SLC25A21: variants seen among roughly 807,000 people sequenced by gnomAD.
SLC25A21 encodes the protein solute carrier family 25 member 21, also known as mitochondrial 2-oxodicarboxylate carrier.
Under a neutral mutation model 43.8 loss-of-function variants are expected in SLC25A21, and 47 were observed. The ratio of observed to expected loss-of-function variants is 1.07; its 90% confidence interval spans 0.85 to 1.37. The LOEUF (loss-of-function observed/expected upper bound fraction) is 1.37, where lower values mean the gene tolerates loss of function less well. Ranked by LOEUF, SLC25A21 falls within the 40% of genes most tolerant of loss-of-function variation. The pLI is 0.00. For missense variants in SLC25A21, 352 were observed against 350.2 expected, an observed-to-expected ratio of 1.00 and a Z score of -0.04; for synonymous variants, 131 against 121.3, an observed-to-expected ratio of 1.08 and a Z score of -0.52.
chr14:36,963,876 G>A (rs1028753917), intron 1 of SLC25A21, among the ~76,000 whole-genome samples: 7 of 152,126 alleles, frequency 4.6e-5, no homozygotes, highest in Non-Finnish European at 8.8e-5. Context: ...GTAAAGAATG[G>A]TTCTTCCTGT....
intron 2 of SLC25A21, among the ~76,000 whole-genome samples, chr14:36,844,138 C>T (rs866018827): frequency 4.6e-5 from 7 of 152,174 alleles, no homozygotes; most frequent in Non-Finnish European, 7.3e-5. Context: ...GACTTTAACA[C>T]GCTACAGTAC....
intron 7 of SLC25A21, among the ~76,000 whole-genome samples, chr14:36,690,462 A>C (rs1393794826): frequency 6.6e-6 from 1 of 152,196 alleles, no homozygotes; most frequent in Admixed American, 6.5e-5. Context: ...GCCTGGATTT[A>C]AGCCCAGCTC....
chr14:37,071,218 T>C lies in SLC25A21; in HGVS notation c.70+101063A>G, dbSNP rs182313466. ...TAGAATCAAAGCAAAGATGTATACA[T>C]GGTATTGATGAAAATTTTTAAAAAT... On this transcript the variant is annotated intron_variant, in intron 1 of 9. Transcript: ENST00000331299. Among the ~76,000 whole-genome samples, 249 of 152,342 alleles carry C rather than the reference T, an allele frequency of 1.6e-3. 7 individuals are homozygous for C. Among genetic ancestry groups the C allele is most frequent in the Admixed American group, 1.2e-3 (18 of 15,312 alleles).
intron 2 of SLC25A21, among the ~76,000 whole-genome samples, chr14:36,840,052 T>C (rs745317873): frequency 1.3e-5 from 2 of 152,164 alleles, no homozygotes; most frequent in East Asian, 1.9e-4. Context: ...GGGAAAGAGA[T>C]GACTCAAGCC....
In SLC25A21 at chr14:36,789,885, T is replaced by TA. The variant is rs1349591927; in HGVS notation, c.203+24032dup. Among the ~76,000 whole-genome samples the TA allele has an allele frequency of 3.3e-5, 4 of 120,906 alleles. 1 individual carries two copies. The highest frequency in any genetic ancestry group is 1.3e-4 in the African/African-American group (4 of 31,154). 79.3% of individuals were successfully genotyped at this position (120,906 alleles called of 152,430 possible). On this transcript the variant is annotated intron_variant, in intron 3 of 9. Coordinates refer to ENST00000331299, the MANE Select transcript of SLC25A21 (RefSeq NM_030631.4). ...TATAAAAATATATTATATATTTATA[T>TA]AAAATATATATTATATATATTTATA...
At chr14:37,110,956 A>G (rs1221437628) in intron 1 of SLC25A21, among the ~76,000 whole-genome samples, 1 of 119,680 alleles carries the variant, frequency 8.4e-6, no homozygotes, top group Admixed American at 8.7e-5. Flanking sequence ...AACAGCAACA[A>G]AAAAAAAATC....
chr14:37,112,321 T>C (rs1963034399), intron 1 of SLC25A21, among the ~76,000 whole-genome samples: 4 of 152,020 alleles, frequency 2.6e-5, no homozygotes, highest in Admixed American at 1.3e-4. Context: ...ATTCTCATTG[T>C]CAATACTCTA....
In SLC25A21 at chr14:36,761,077, TATTCCTCTTCCC is replaced by T. The variant is rs1466483845; in HGVS notation, c.204-26516_204-26505del. On this transcript the variant is annotated intron_variant, in intron 3 of 9. Transcript: ENST00000331299. The stretch of plus-strand genomic sequence containing the variant: ...ATCTCTTTAATTACAGCCACAGAGA[TATTCCTCTTCCC>T]TTTCATCTGGGGCCTCTAAGGAGCT... 2.0e-5 allele frequency among the ~76,000 whole-genome samples: 3 copies of T among 152,344 alleles called. No homozygotes were observed. In the South Asian group the frequency reaches 6.2e-4, roughly 32 times the overall value.
chr14:36,770,555 G>A (rs887305517), intron 3 of SLC25A21, among the ~76,000 whole-genome samples: 23 of 152,026 alleles, frequency 1.5e-4, no homozygotes, highest in Middle Eastern at 3.2e-3. Flanking sequence ...AATAAGAATC[G>A]TCCTGCTTGG....
intron 3 of SLC25A21, among the ~76,000 whole-genome samples, chr14:36,775,797 CTCA>C (rs1886798941): frequency 6.6e-6 from 1 of 152,186 alleles, no homozygotes; most frequent in African/African-American, 2.4e-5. Flanking sequence ...CCACTTTGCA[CTCA>C]TCAATACTAG....
intron 3 of SLC25A21, among the ~76,000 whole-genome samples, chr14:36,806,605 C>T (rs1276598696): frequency 6.6e-6 from 1 of 152,094 alleles, no homozygotes; most frequent in Non-Finnish European, 1.5e-5. Flanking sequence ...AGTAGTATGT[C>T]CATGCCTGAA....
intron 6 of SLC25A21, among the ~76,000 whole-genome samples, chr14:36,717,677 G>T: frequency 6.6e-6 from 1 of 152,174 alleles, no homozygotes; most frequent in Non-Finnish European, 1.5e-5. Context: ...GCTTCTTCAT[G>T]GTCTCATAAA....
intron 1 of SLC25A21, among the ~76,000 whole-genome samples, chr14:36,911,404 C>T (rs533598220): frequency 1.7e-4 from 26 of 152,296 alleles, no homozygotes; most frequent in Admixed American, 1.3e-3. Context: ...CATCCTGGGG[C>T]AGACTGTTAT....
intron 1 of SLC25A21, among the ~76,000 whole-genome samples, chr14:36,915,460 C>A (rs1318496770): frequency 6.6e-6 from 1 of 152,096 alleles, no homozygotes; most frequent in Non-Finnish European, 1.5e-5. Flanking sequence ...GATAATCACA[C>A]AAAATCTATC....
chr14:37,062,928 G>A (rs773923553), intron 1 of SLC25A21, among the ~76,000 whole-genome samples: 3 of 152,170 alleles, frequency 2.0e-5, no homozygotes, highest in East Asian at 1.9e-4. Context: ...ACCCAAGACC[G>A]GGTAATTTAT....
rs557331518 is a variant in SLC25A21 at position 37,051,959 on chromosome 14, A to G, written c.70+120322T>C. ...GGGCACACAAAGCAGCCTGGAGAGG[A>G]GTGAAGAGTGGACCCGAAGGGCCCG... On this transcript the variant is annotated intron_variant, in intron 1 of 9. Coordinates refer to ENST00000331299, the MANE Select transcript of SLC25A21 (RefSeq NM_030631.4). Among the ~76,000 whole-genome samples the G allele has an allele frequency of 2.0e-5, 3 of 152,310 alleles. No homozygotes were observed. The East Asian group carries it at 5.8e-4, about 29-fold the overall frequency.
chr14:36,755,879 A>G (rs1885909075), intron 3 of SLC25A21, among the ~76,000 whole-genome samples: 1 of 152,174 alleles, frequency 6.6e-6, no homozygotes, highest in Admixed American at 6.5e-5. Context: ...CATCTGTACC[A>G]GGATGGCAAA....
intron 2 of SLC25A21, among the ~76,000 whole-genome samples, chr14:36,858,739 A>T (rs901464816): frequency 1.3e-5 from 2 of 151,864 alleles, no homozygotes; most frequent in African/African-American, 4.8e-5. Flanking sequence ...ACCCAAAAAC[A>T]CTCTTAAGTG....
chr14:36,694,799 T>C (rs1702132891), intron 7 of SLC25A21, among the ~76,000 whole-genome samples: 1 of 152,254 alleles, frequency 6.6e-6, no homozygotes, highest in Admixed American at 6.5e-5. Flanking sequence ...TTGTAGATTC[T>C]GGATATTAGC....
Sources: gnomAD v4.1 joint callset for allele counts (sites outside exome capture counted in the v4.1 genomes callset) on GRCh38, gnomAD v4.1.1 for gene constraint, MANE v1.5 for transcripts, NCBI Gene and HGNC (gene_info 2026-07-23, HGNC 2026-07-21) for gene names.